Variants in VDAC1 observed in about 807,000 individuals in gnomAD.
VDAC1 encodes the protein voltage dependent anion channel 1.
A neutral mutation model predicts 34.7 loss-of-function variants in VDAC1; 10 were observed. The observed-to-expected ratio is 0.29, with a 90% confidence interval of 0.18 to 0.49. The LOEUF (loss-of-function observed/expected upper bound fraction) is 0.49. VDAC1 is among the 20% of genes least tolerant of loss of function. VDAC1 has a pLI of 0.99. For synonymous variants in VDAC1, 130 were observed against 136.0 expected (o/e 0.96, Z 0.30); for missense variants, 230 against 347.9 (o/e 0.66, Z 2.69).
chr5:134,046,591 T>C, the VDAC1 span, among the ~76,000 whole-genome samples: 1 of 152,220 alleles, frequency 6.6e-6, no homozygotes, highest in African/African-American at 2.4e-5. Flanking sequence ...AGGTGGACAG[T>C]GTTCTGCCTA....
At chr5:133,999,500 T>A (rs1194419084) in intron 1 of VDAC1, among the ~76,000 whole-genome samples, 1 of 152,226 alleles carries the variant, frequency 6.6e-6, no homozygotes, top group African/African-American at 2.4e-5. Context: ...CATTATGGAC[T>A]GCTGTCCATG....
At chr5:134,019,591 C>A in the VDAC1 span, among the ~76,000 whole-genome samples, 1 of 152,008 alleles carries the variant, frequency 6.6e-6, no homozygotes, top group Non-Finnish European at 1.5e-5. Context: ...AACAAACAAA[C>A]AAACAAACAA....
chr5:133,997,166 C>T (rs1580728630), intron 1 of VDAC1, among the ~76,000 whole-genome samples: 1 of 152,182 alleles, frequency 6.6e-6, no homozygotes, highest in Non-Finnish European at 1.5e-5. Flanking sequence ...AGGGGGAGTA[C>T]TACAGGTACA....
chr5:133,993,399 A>G (rs1254062954), intron 1 of VDAC1, among the ~76,000 whole-genome samples: 1 of 152,250 alleles, frequency 6.6e-6, no homozygotes, highest in Non-Finnish European at 1.5e-5. Context: ...CCAATAAAAC[A>G]TATCATCTTA....
chr5:134,069,855 A>C, the VDAC1 span, among the ~76,000 whole-genome samples: 4 of 152,094 alleles, frequency 2.6e-5, no homozygotes, highest in African/African-American at 4.8e-5. Flanking sequence ...GGTCATTGAG[A>C]CCTTGCTGAT....
chr5:134,054,058 A>T, the VDAC1 span, among the ~76,000 whole-genome samples: 1 of 152,372 alleles, frequency 6.6e-6, no homozygotes, highest in African/African-American at 2.4e-5. Context: ...ACCATTTGGT[A>T]TAAGCAGTAA....
chr5:134,041,503 G>T, the VDAC1 span, among the ~76,000 whole-genome samples: 1 of 152,194 alleles, frequency 6.6e-6, no homozygotes, highest in Non-Finnish European at 1.5e-5. Context: ...TTATCCAATG[G>T]TCCCAGGACC....
At chr5:134,004,819 C>G (rs905305971) in intron 1 of VDAC1, 76 bp downstream of exon 1, 1 of 150,540 alleles carries the variant, frequency 6.6e-6, no homozygotes, top group Non-Finnish European at 1.5e-5. Flanking sequence ...CCGGCGCGCT[C>G]CGCCCCCAGG....
At chr5:134,054,772 T>C in the VDAC1 span, among the ~76,000 whole-genome samples, 1 of 152,168 alleles carries the variant, frequency 6.6e-6, no homozygotes, top group African/African-American at 2.4e-5. Context: ...GACCACAGTC[T>C]TTCAGCCAAA....
chr5:134,006,984 C>T (rs574950249), upstream of VDAC1, among the ~76,000 whole-genome samples: 19 of 152,114 alleles, frequency 1.2e-4, no homozygotes, highest in East Asian at 3.7e-3. Flanking sequence ...TGGCTCACTC[C>T]TGTAATCCCA....
upstream of VDAC1, among the ~76,000 whole-genome samples, chr5:134,005,726 T>A (rs1348526848): frequency 6.6e-6 from 1 of 152,200 alleles, no homozygotes; most frequent in Non-Finnish European, 1.5e-5. Context: ...CTGCTAGGCC[T>A]AAGCGAGTGG....
chr5:134,077,320 C>G, the VDAC1 span, among the ~76,000 whole-genome samples: 3 of 151,306 alleles, frequency 2.0e-5, no homozygotes, highest in Admixed American at 6.6e-5. Context: ...ACCCTTAAAC[C>G]TCTTTACTCT....
At chr5:134,055,863 CTTCCAGACCT>C in the VDAC1 span, among the ~76,000 whole-genome samples, 3 of 152,142 alleles carry the variant, frequency 2.0e-5, no homozygotes, top group African/African-American at 7.2e-5. Context: ...CATTAACATC[CTTCCAGACCT>C]TTCCTATGGG....
At chr5:134,036,325 C>CT in the VDAC1 span, among the ~76,000 whole-genome samples, 1 of 152,048 alleles carries the variant, frequency 6.6e-6, no homozygotes, top group East Asian at 1.9e-4. Flanking sequence ...GGTATTTCTG[C>CT]TAAAATGCAT....
the VDAC1 span, among the ~76,000 whole-genome samples, chr5:134,083,587 C>T: frequency 3.9e-5 from 6 of 152,216 alleles, no homozygotes; most frequent in Non-Finnish European, 5.9e-5. Context: ...GTGCTCTAAG[C>T]GCTACGTCAA....
chr5:133,976,733 A>G (rs1231123312), intron 6 of VDAC1, among the ~76,000 whole-genome samples: 1 of 152,058 alleles, frequency 6.6e-6, no homozygotes, highest in East Asian at 1.9e-4. Flanking sequence ...TACTTTTATA[A>G]ACGATTCTAC....
At chr5:134,039,620 C>T in the VDAC1 span, among the ~76,000 whole-genome samples, 16 of 152,204 alleles carry the variant, frequency 1.1e-4, no homozygotes, top group South Asian at 8.3e-4. Flanking sequence ...TGAGCCACCG[C>T]GCCCGGCAGA....
intron 5 of VDAC1, among the ~76,000 whole-genome samples, chr5:133,986,014 C>T (rs1036312673): frequency 6.6e-6 from 1 of 152,216 alleles, no homozygotes; most frequent in South Asian, 2.1e-4. Flanking sequence ...GGGAGTGGCT[C>T]AGGCTTCTCT....
intron 8 of VDAC1, among the ~76,000 whole-genome samples, chr5:133,973,304 T>A (rs1380572381): frequency 6.6e-6 from 1 of 152,228 alleles, no homozygotes; most frequent in Non-Finnish European, 1.5e-5. Context: ...AAACTGACAT[T>A]CCCTGGAATA....
Sources: allele counts gnomAD v4.1 joint callset (sites outside exome capture counted in the v4.1 genomes callset), GRCh38; gene constraint gnomAD v4.1.1; transcripts MANE v1.5; gene names NCBI Gene and HGNC (gene_info 2026-07-23, HGNC 2026-07-21).